ELF1: variants seen among roughly 807,000 people sequenced by gnomAD.
The protein encoded by ELF1 is ETS-related transcription factor Elf-1.
A neutral mutation model predicts 59.9 loss-of-function variants in ELF1; 24 were observed. The observed-to-expected ratio is 0.40, with a 90% CI of 0.29 to 0.56. ELF1 has a LOEUF of 0.56. Among genes scored for constraint, ELF1 ranks in the 20% least tolerant of loss-of-function variants. The probability of loss-of-function intolerance (pLI) is 0.44; values close to 1 mark genes in which losing one functional copy is unlikely to be tolerated. For missense variants in ELF1, 627 were observed against 742.2 expected, an observed-to-expected ratio of 0.84 and a Z score of 1.80; for synonymous variants, 248 against 266.2, an observed-to-expected ratio of 0.93 and a Z score of 0.67.
At chr13:41,012,416 T>C (rs1408084189) in intron 1 of ELF1, among the ~76,000 whole-genome samples, 1 of 151,500 alleles carries the variant, frequency 6.6e-6, no homozygotes, top group Non-Finnish European at 1.5e-5. Context: ...TTTGTTTGTT[T>C]TTGTTTTTCT....
intron 1 of ELF1, among the ~76,000 whole-genome samples, chr13:40,990,895 TA>T (rs1873818309): frequency 7.0e-6 from 1 of 142,772 alleles, no homozygotes; most frequent in African/African-American, 2.6e-5. Flanking sequence ...TGGAGAAACA[TA>T]ATAGATGCTA....
chr13:40,962,641 G>A (rs926587007), intron 2 of ELF1, among the ~76,000 whole-genome samples: 3 of 148,018 alleles, frequency 2.0e-5, no homozygotes, highest in Non-Finnish European at 4.4e-5. Context: ...AACCAAGGTC[G>A]CACCACTGCA....
At chr13:40,940,638 T>C (rs774415954) in intron 8 of ELF1, among the ~76,000 whole-genome samples, 1 of 152,102 alleles carries the variant, frequency 6.6e-6, no homozygotes, top group Non-Finnish European at 1.5e-5. Context: ...CCCTGGATTT[T>C]CTCCCATCTA....
chr13:40,990,305 T>A (rs571470905), intron 1 of ELF1, among the ~76,000 whole-genome samples: 15 of 152,320 alleles, frequency 9.8e-5, no homozygotes, highest in African/African-American at 3.6e-4. Flanking sequence ...AGATATTTAA[T>A]ATTGAAAGTA....
chr13:40,953,347 C>T (rs529915525), intron 3 of ELF1, among the ~76,000 whole-genome samples: 1 of 152,134 alleles, frequency 6.6e-6, no homozygotes, highest in Non-Finnish European at 1.5e-5. Flanking sequence ...GACATGCTAA[C>T]CCCCAGTACC....
At chr13:41,027,934 A>G (rs1876003319) in intron 1 of ELF1, among the ~76,000 whole-genome samples, 1 of 152,210 alleles carries the variant, frequency 6.6e-6, no homozygotes, top group Non-Finnish European at 1.5e-5. Flanking sequence ...GTTCTCCAGA[A>G]GGCTGTACAC....
intron 1 of ELF1, among the ~76,000 whole-genome samples, chr13:41,040,687 G>A (rs1876570695): frequency 6.6e-6 from 1 of 152,110 alleles, no homozygotes; most frequent in South Asian, 2.1e-4. Context: ...GACAGGAGGT[G>A]GAGCTCAGAC....
At chr13:41,050,918 C>CA (rs1445942136) in intron 1 of ELF1, among the ~76,000 whole-genome samples, 1 of 152,196 alleles carries the variant, frequency 6.6e-6, no homozygotes, top group Non-Finnish European at 1.5e-5. Context: ...TCCCCACCAA[C>CA]ACAGGAATTC....
rs542459621 is a variant in ELF1, at chr13:40,965,651, A to G, written c.73-6635T>C. ...AAAAAAAAAAGAAATGAAGGTTTCA[A>G]TGCTTCTTTGATGCCTTAACAAAAA... is the stretch of plus-strand genomic sequence containing the variant. On this transcript the variant is annotated intron_variant, in intron 2 of 8. Transcript: ENST00000239882. Among the ~76,000 whole-genome samples, 6 of 152,284 alleles carry G rather than the reference A, an allele frequency of 3.9e-5. No individual in the cohort carries two copies. In the East Asian group the frequency reaches 9.6e-4, roughly 24 times the overall value.
chr13:41,033,098 C>T (rs916567367), intron 1 of ELF1, among the ~76,000 whole-genome samples: 5 of 152,082 alleles, frequency 3.3e-5, no homozygotes, highest in Admixed American at 6.6e-5. Flanking sequence ...TTTTAGGACA[C>T]GTTAAAGAAA....
chr13:40,964,989 A>T (rs975742907), intron 2 of ELF1, among the ~76,000 whole-genome samples: 1 of 152,192 alleles, frequency 6.6e-6, no homozygotes, highest in Non-Finnish European at 1.5e-5. Context: ...ACTTCAATAT[A>T]TGAATTGGTG....
chr13:41,044,592 C>T (rs1448003045), intron 1 of ELF1, among the ~76,000 whole-genome samples: 2 of 152,132 alleles, frequency 1.3e-5, no homozygotes, highest in African/African-American at 2.4e-5. Flanking sequence ...TGATGGATTA[C>T]GTTTATTGAT....
rs928499695 is a variant in ELF1, at chr13:40,948,993, T to C, written c.529+813A>G. On this transcript the variant is annotated intron_variant, in intron 5 of 8. Transcript: ENST00000239882. Reference sequence around the variant, plus strand: ...GTATAAAATAATTTAATTATTATCATTATTTTTTTGAGATGGAGTTTCACT... The same window carrying C: ...GTATAAAATAATTTAATTATTATCACTATTTTTTTGAGATGGAGTTTCACT... Among the ~76,000 whole-genome samples the C allele has an allele frequency of 4.6e-5, 7 of 152,212 alleles. No individual in the cohort carries two copies. In the East Asian group the frequency reaches 1.3e-3, roughly 29 times the overall value.
intron 8 of ELF1, among the ~76,000 whole-genome samples, chr13:40,938,073 T>C (rs1869903664): frequency 6.6e-6 from 1 of 152,194 alleles, no homozygotes; most frequent in Admixed American, 6.5e-5. Flanking sequence ...CGCCTCGGCC[T>C]CCCAAAGTGT....
At chr13:40,982,601 G>A (rs1156587303) in intron 1 of ELF1, among the ~76,000 whole-genome samples, 2 of 148,842 alleles carry the variant, frequency 1.3e-5, no homozygotes, top group Non-Finnish European at 3.0e-5. Flanking sequence ...GGTTGTAATC[G>A]CAATAAAGGA....
At chr13:40,976,308 T>A (rs1023470823) in intron 2 of ELF1, among the ~76,000 whole-genome samples, 1 of 152,224 alleles carries the variant, frequency 6.6e-6, no homozygotes, top group Non-Finnish European at 1.5e-5. Flanking sequence ...TACACTCTAC[T>A]GCTCTAGAAC....
At chr13:41,036,594 C>T (rs1220023987) in intron 1 of ELF1, among the ~76,000 whole-genome samples, 1 of 152,176 alleles carries the variant, frequency 6.6e-6, no homozygotes, top group African/African-American at 2.4e-5. Context: ...CCCAGCCATC[C>T]CATTACTGGG....
At chr13:40,991,040 T>G (rs536896353) in intron 1 of ELF1, among the ~76,000 whole-genome samples, 1 of 152,276 alleles carries the variant, frequency 6.6e-6, no homozygotes, top group East Asian at 1.9e-4. Flanking sequence ...ACTTTACCTT[T>G]GTGTTCTTCC....
At chr13:41,000,455 T>C (rs1282479410) in intron 1 of ELF1, among the ~76,000 whole-genome samples, 1 of 36,146 alleles carries the variant, frequency 2.8e-5, no homozygotes, top group Non-Finnish European at 5.4e-5. Context: ...CTCCTGACCT[T>C]AATTGATCCG....
Sources: gnomAD v4.1 joint callset for allele counts (sites outside exome capture counted in the v4.1 genomes callset) on GRCh38, gnomAD v4.1.1 for gene constraint, MANE v1.5 for transcripts, NCBI Gene and HGNC (gene_info 2026-07-23, HGNC 2026-07-21) for gene names.